The following SCAPER variants were observed in gnomAD, a reference collection of about 807,000 sequenced individuals.
SCAPER encodes the protein S-phase cyclin A associated protein in the ER.
In SCAPER, 98 loss-of-function variants were observed where a neutral mutation model predicts 182.2. That is an observed-to-expected ratio of 0.54 (90% CI 0.46 to 0.64). The LOEUF (loss-of-function observed/expected upper bound fraction) is 0.64. Ranked by LOEUF, SCAPER falls within the 30% of genes least tolerant of loss-of-function variation. The probability of loss-of-function intolerance (pLI) is 0.00; values close to 1 mark genes in which losing one functional copy is unlikely to be tolerated. For missense variants in SCAPER, 1,432 were observed against 1,690.0 expected (o/e 0.85, Z 2.68); for synonymous variants, 605 against 564.6 (o/e 1.07, Z -1.01).
chr15:76,348,913 G>A, intron 31 of SCAPER, 177 bp from the exon 32 acceptor site: 1 of 465,904 alleles, frequency 2.1e-6, no homozygotes, highest in East Asian at 3.4e-5. Flanking sequence ...TCTATCTGTA[G>A]TATAAAATAT....
At chr15:76,842,608 G>A (rs1364583565) in intron 4 of SCAPER, among the ~76,000 whole-genome samples, 1 of 152,160 alleles carries the variant, frequency 6.6e-6, no homozygotes, top group Non-Finnish European at 1.5e-5. Context: ...GTTCATTACA[G>A]CAGTATGAAA....
chr15:76,622,963 T>C (rs565134459), intron 21 of SCAPER, among the ~76,000 whole-genome samples: 23 of 152,278 alleles, frequency 1.5e-4, no homozygotes, highest in Admixed American at 2.6e-4. Flanking sequence ...TGAATAATAA[T>C]GAGTGCATGT....
At chr15:76,887,674 A>AAC in intron 1 of SCAPER, among the ~76,000 whole-genome samples, 1 of 152,112 alleles carries the variant, frequency 6.6e-6, no homozygotes, top group Admixed American at 6.5e-5. Context: ...AGAGCCCCCC[A>AAC]ACAGCTCAGC....
chr15:76,583,085 A>G (rs1022905120), intron 22 of SCAPER, among the ~76,000 whole-genome samples: 3 of 152,032 alleles, frequency 2.0e-5, no homozygotes, highest in Non-Finnish European at 2.9e-5. Context: ...AGGTGCAGTG[A>G]CTCATAACTG....
At chr15:76,761,255 GTTTGA>G (rs1331067397) in intron 14 of SCAPER, among the ~76,000 whole-genome samples, 2 of 151,988 alleles carry the variant, frequency 1.3e-5, no homozygotes, top group Non-Finnish European at 1.5e-5. Context: ...CTAGCTAAGA[GTTTGA>G]TTTTTTTCTT....
At chr15:76,765,517 AC>A in intron 12 of SCAPER, 45 bp downstream of exon 12, 2 of 1,605,924 alleles carry the variant, frequency 1.2e-6, no homozygotes, top group Non-Finnish European at 1.7e-6. Flanking sequence ...TTGAGAACAA[AC>A]TTTTGAACAC....
chr15:76,390,745 T>C (rs1355253253), intron 27 of SCAPER, among the ~76,000 whole-genome samples: 2 of 152,196 alleles, frequency 1.3e-5, no homozygotes, highest in East Asian at 1.9e-4. Flanking sequence ...AGTTGATACT[T>C]TGGGGCTCTC....
Position 76,447,742 on chromosome 15 carries a change from C to A in SCAPER, c.3079-13432G>T, listed in dbSNP as rs963588474. Among the ~76,000 whole-genome samples, 27 of 152,206 alleles carry A rather than the reference C, an allele frequency of 1.8e-4. 1 individual carries two copies. Among genetic ancestry groups the A allele is most frequent in the African/African-American group, 6.5e-4 (27 of 41,452 alleles). On this transcript the variant is annotated intron_variant, in intron 25 of 31. Coordinates refer to ENST00000563290, the MANE Select transcript of SCAPER (RefSeq NM_020843.4). ...CACATTAGCTTACAACAATTGCTTTCATTCATTGAACATTTTTTGAATACT... is the reference window on the plus strand; with the variant it reads ...CACATTAGCTTACAACAATTGCTTTAATTCATTGAACATTTTTTGAATACT...
chr15:76,488,354 T>G (rs1355491151), intron 24 of SCAPER, among the ~76,000 whole-genome samples: 1 of 152,172 alleles, frequency 6.6e-6, no homozygotes, highest in East Asian at 1.9e-4. Context: ...TTATGTTATA[T>G]TACAATACAT....
intron 17 of SCAPER, among the ~76,000 whole-genome samples, chr15:76,722,882 C>A (rs187610807): frequency 2.0e-5 from 3 of 152,202 alleles, no homozygotes; most frequent in Non-Finnish European, 4.4e-5. Context: ...AAACAGGCTC[C>A]TGGATTCATT....
chr15:76,743,179 G>A (rs900552724), intron 15 of SCAPER, among the ~76,000 whole-genome samples: 9 of 151,972 alleles, frequency 5.9e-5, no homozygotes, highest in Admixed American at 3.3e-4. Flanking sequence ...AAGAGACTTC[G>A]GTCGTCACTA....
intron 17 of SCAPER, among the ~76,000 whole-genome samples, chr15:76,713,279 G>A (rs186498182): frequency 6.5e-4 from 99 of 152,124 alleles, no homozygotes; most frequent in African/African-American, 2.2e-3. Context: ...CCATTACTGA[G>A]TATATACCCA....
At chr15:76,693,066 T>C (rs1228850509) in intron 20 of SCAPER, among the ~76,000 whole-genome samples, 2 of 152,198 alleles carry the variant, frequency 1.3e-5, no homozygotes, top group African/African-American at 4.8e-5. Flanking sequence ...CTGTCAATTT[T>C]TGCTACATTT....
chr15:76,900,405 G>T (rs181397414), intron 1 of SCAPER, among the ~76,000 whole-genome samples: 2 of 149,782 alleles, frequency 1.3e-5, no homozygotes, highest in East Asian at 3.9e-4. Context: ...AAAAAATATG[G>T]ATATGGCAAA....
At chr15:76,629,011 G>T (rs1390354926) in intron 21 of SCAPER, among the ~76,000 whole-genome samples, 1 of 152,144 alleles carries the variant, frequency 6.6e-6, no homozygotes, top group Admixed American at 6.5e-5. Context: ...TGTATTCCTA[G>T]TATTTTATTC....
chr15:76,533,918 C>A (rs1461477020), intron 23 of SCAPER, among the ~76,000 whole-genome samples: 1 of 152,164 alleles, frequency 6.6e-6, no homozygotes, highest in African/African-American at 2.4e-5. Flanking sequence ...GGATTATTAA[C>A]CAAATTAGTA....
At chr15:76,814,131 G>A (rs948447603) in intron 5 of SCAPER, among the ~76,000 whole-genome samples, 7 of 152,192 alleles carry the variant, frequency 4.6e-5, no homozygotes, top group East Asian at 3.9e-4. Flanking sequence ...TTACGCCACC[G>A]CGCTCCAGCC....
intron 27 of SCAPER, among the ~76,000 whole-genome samples, chr15:76,389,500 CAAAAAAAAAAAAAAAAA>C (rs71143320): frequency 3.6e-5 from 1 of 28,058 alleles, no homozygotes; most frequent in Non-Finnish European, 5.6e-5. Context: ...GACTCCGTCT[CAAAAAAAAAAAAAAAAA>C]AAAAAAAAAA....
chr15:76,857,801 T>G lies in SCAPER; in HGVS notation c.195+8A>C. ...AGTAAATAAGTAAAAAAGTTATAGATGCTGTACCTGTTTAGTAGTTTTATG... is the reference window on the plus strand; with the variant it reads ...AGTAAATAAGTAAAAAAGTTATAGAGGCTGTACCTGTTTAGTAGTTTTATG... On this transcript the variant is annotated splice_region_variant and intron_variant, in intron 4 of 31. Transcript: ENST00000563290. The G allele has an allele frequency of 6.6e-7, 1 of 1,511,516 alleles. No homozygotes were observed. The highest frequency in any genetic ancestry group is 1.4e-5 in the African/African-American group (1 of 72,262). 93.6% of individuals were successfully genotyped at this position (1,511,516 alleles called of 1,614,324 possible).
Sources: gnomAD v4.1 joint callset for allele counts (sites outside exome capture counted in the v4.1 genomes callset) on GRCh38, gnomAD v4.1.1 for gene constraint, MANE v1.5 for transcripts, NCBI Gene and HGNC (gene_info 2026-07-23, HGNC 2026-07-21) for gene names.